DCC: variants seen among roughly 807,000 people sequenced by gnomAD.
DCC encodes netrin receptor DCC.
A neutral mutation model predicts 172.5 loss-of-function variants in DCC; 58 were observed. The ratio of observed to expected loss-of-function variants is 0.34; its 90% CI spans 0.27 to 0.42. The LOEUF is 0.42. Among genes scored for constraint, DCC ranks in the 10% least tolerant of loss-of-function variants. The pLI is 1.00. For synonymous variants in DCC, 709 were observed against 644.5 expected (o/e 1.10, Z -1.52); for missense variants, 1,740 against 1,791.0 (o/e 0.97, Z 0.51).
chr18:52,811,030 G>T (rs1198541506), intron 2 of DCC, among the ~76,000 whole-genome samples: 1 of 151,968 alleles, frequency 6.6e-6, no homozygotes, highest in Non-Finnish European at 1.5e-5. Flanking sequence ...AGCACAGAGG[G>T]GACAACACAC....
At chr18:53,325,394 A>G (rs1289087309) in intron 14 of DCC, among the ~76,000 whole-genome samples, 1 of 152,110 alleles carries the variant, frequency 6.6e-6, no homozygotes, top group Non-Finnish European at 1.5e-5. Context: ...AGGAGAGAAA[A>G]TAAATGAAGC....
At chr18:52,756,707 A>G (rs774402922) in intron 2 of DCC, among the ~76,000 whole-genome samples, 4 of 151,992 alleles carry the variant, frequency 2.6e-5, no homozygotes, top group Non-Finnish European at 4.4e-5. Flanking sequence ...CATCTTCCCT[A>G]CTCTAAACGT....
At chr18:53,408,126 T>C (rs928062652) in intron 19 of DCC, among the ~76,000 whole-genome samples, 1 of 152,188 alleles carries the variant, frequency 6.6e-6, no homozygotes, top group African/African-American at 2.4e-5. Flanking sequence ...CCTGACCTTG[T>C]TGATCACAGT....
chr18:52,884,280 A>C (rs2145410532), intron 2 of DCC, among the ~76,000 whole-genome samples: 1 of 152,230 alleles, frequency 6.6e-6, no homozygotes, highest in Admixed American at 6.5e-5. Context: ...CCTTTAAATA[A>C]ACTTTCTGTT....
chr18:53,255,392 T>A (rs1487589978), intron 12 of DCC, among the ~76,000 whole-genome samples: 2 of 115,080 alleles, frequency 1.7e-5, no homozygotes, highest in African/African-American at 6.9e-5. Context: ...CAGGCCATGG[T>A]GTGTGATGTT....
chr18:52,411,551 G>A (rs1024368578), intron 1 of DCC, among the ~76,000 whole-genome samples: 2 of 152,138 alleles, frequency 1.3e-5, no homozygotes, highest in Non-Finnish European at 2.9e-5. Flanking sequence ...TTCATCTAGG[G>A]TAGGGTCTGT....
At chr18:52,461,040 T>A (rs1389567964) in intron 1 of DCC, among the ~76,000 whole-genome samples, 5 of 152,142 alleles carry the variant, frequency 3.3e-5, no homozygotes, top group African/African-American at 1.2e-4. Context: ...TTTTTTTAAC[T>A]TTTTGACTGT....
chr18:52,544,154 C>T (rs1240889653), intron 1 of DCC, among the ~76,000 whole-genome samples: 2 of 152,272 alleles, frequency 1.3e-5, no homozygotes, highest in Admixed American at 1.3e-4. Context: ...CTTATCCCAC[C>T]CGTGCCTAAA....
intron 12 of DCC, among the ~76,000 whole-genome samples, chr18:53,249,067 T>A (rs990020151): frequency 6.6e-6 from 1 of 151,988 alleles, no homozygotes; most frequent in Non-Finnish European, 1.5e-5. Context: ...AATGTCAGCA[T>A]AGAAATTTTA....
At chr18:53,022,031 G>A (rs1020452757) in intron 5 of DCC, among the ~76,000 whole-genome samples, 2 of 152,014 alleles carry the variant, frequency 1.3e-5, no homozygotes, top group Non-Finnish European at 2.9e-5. Context: ...CTGTTTCCAG[G>A]TTATATTAAT....
At chr18:52,497,799 C>T (rs1380860756) in intron 1 of DCC, among the ~76,000 whole-genome samples, 1 of 152,104 alleles carries the variant, frequency 6.6e-6, no homozygotes, top group Non-Finnish European at 1.5e-5. Context: ...GATAGAAATG[C>T]ACAATCAAAA....
intron 8 of DCC, among the ~76,000 whole-genome samples, chr18:53,166,232 T>G (rs1356343847): frequency 6.6e-6 from 1 of 151,880 alleles, no homozygotes; most frequent in Non-Finnish European, 1.5e-5. Flanking sequence ...TGCAATTTGC[T>G]GAGATTAGGA....
At chr18:53,346,286 T>C (rs1176388053) in intron 15 of DCC, among the ~76,000 whole-genome samples, 1 of 152,194 alleles carries the variant, frequency 6.6e-6, no homozygotes, top group Non-Finnish European at 1.5e-5. Flanking sequence ...TTTTTTACTA[T>C]ATCTTGCCTG....
At chr18:53,301,160 G>A (rs534523555) in intron 12 of DCC, among the ~76,000 whole-genome samples, 3 of 150,508 alleles carry the variant, frequency 2.0e-5, no homozygotes, top group Non-Finnish European at 3.0e-5. Context: ...TGTGATCTCG[G>A]CTCACTGCAA....
chr18:52,662,460 C>A (rs920498456), intron 1 of DCC, among the ~76,000 whole-genome samples: 1 of 135,536 alleles, frequency 7.4e-6, no homozygotes, highest in Admixed American at 8.3e-5. Context: ...CATTTCAGAA[C>A]TTTAGGGAAA....
intron 1 of DCC, among the ~76,000 whole-genome samples, chr18:52,362,920 A>G (rs8095741): frequency 0.57 from 86,161 of 151,788 alleles, 25,984 homozygotes; most frequent in African/African-American, 0.79. Flanking sequence ...TTTCTTTATG[A>G]CAGAGTCTTG....
intron 7 of DCC, among the ~76,000 whole-genome samples, chr18:53,068,395 T>A (rs1398334099): frequency 1.3e-5 from 2 of 151,430 alleles, no homozygotes; most frequent in African/African-American, 4.9e-5. Flanking sequence ...ATGTATCTCC[T>A]AATGCTATCC....
intron 23 of DCC, among the ~76,000 whole-genome samples, chr18:53,453,041 G>A (rs1053245041): frequency 2.6e-5 from 4 of 151,648 alleles, no homozygotes; most frequent in South Asian, 2.1e-4. Flanking sequence ...TCAGCCTCCC[G>A]AGTAGCTGGG....
chr18:53,480,446 T>C (rs1217696526), intron 25 of DCC, among the ~76,000 whole-genome samples: 1 of 152,242 alleles, frequency 6.6e-6, no homozygotes, highest in Non-Finnish European at 1.5e-5. Flanking sequence ...CAAAAATCTT[T>C]CAGGGTCATA....
Sources: allele counts gnomAD v4.1 joint callset (sites outside exome capture counted in the v4.1 genomes callset), GRCh38; gene constraint gnomAD v4.1.1; transcripts MANE v1.5; gene names NCBI Gene and HGNC (gene_info 2026-07-23, HGNC 2026-07-21).